Variants in ANXA4 observed in about 807,000 individuals in gnomAD.
The protein encoded by ANXA4 is 35-beta calcimedin.
ANXA4 carries 39 observed loss-of-function variants against 49.8 expected under a neutral mutation model. That is an observed-to-expected ratio of 0.78 (90% CI 0.61 to 1.02). The LOEUF (loss-of-function observed/expected upper bound fraction) is 1.02, where lower values mean the gene tolerates loss of function less well. Among genes scored for constraint, ANXA4 ranks in the 50% least tolerant of loss-of-function variants. ANXA4 has a pLI of 0.00. For synonymous variants in ANXA4, 134 were observed against 152.5 expected, an observed-to-expected ratio of 0.88 and a Z score of 0.89; for missense variants, 360 against 410.1, an observed-to-expected ratio of 0.88 and a Z score of 1.05.
upstream of ANXA4, chr2:69,643,866 G>A: frequency 1.7e-6 from 2 of 1,177,714 alleles, no homozygotes; most frequent in Non-Finnish European, 2.1e-6. Context: ...TGCAACCGCC[G>A]TTCTGTCGCC....
In ANXA4 at chr2:69,815,955, C is replaced by T. The variant is rs1673970101; in HGVS notation, c.535-146C>T. The T allele has an allele frequency of 4.7e-6, 3 of 643,558 alleles. No individual in the cohort carries two copies. The South Asian group carries it at 5.8e-5, about 12-fold the overall frequency. The allele number at this position is 643,558 out of a possible 1,614,324, so 39.9% of individuals were successfully genotyped here. A position where few individuals can be genotyped will look rare whatever the true frequency, so the allele number is the denominator to read the frequency against. On this transcript the variant is annotated intron_variant, in intron 8 of 12. Coordinates refer to ENST00000394295, the MANE Select transcript of ANXA4 (RefSeq NM_001153.5). Reference sequence around the variant, plus strand: ...TTATGCCTGAGGAAGGATCCTGAGTCATTTCCACTCACCACTACCATTTCC... The same window carrying T: ...TTATGCCTGAGGAAGGATCCTGAGTTATTTCCACTCACCACTACCATTTCC...
intron 2 of ANXA4, among the ~76,000 whole-genome samples, chr2:69,673,667 AAAG>A (rs535280569): frequency 1.6e-4 from 24 of 150,602 alleles, no homozygotes; most frequent in African/African-American, 5.6e-4. Flanking sequence ...AAAAAAAAGA[AAAG>A]AAACATTTTT....
chr2:69,800,218 G>A (rs1673132150), intron 3 of ANXA4, among the ~76,000 whole-genome samples: 1 of 152,186 alleles, frequency 6.6e-6, no homozygotes, highest in Non-Finnish European at 1.5e-5. Flanking sequence ...CTGAATCTAT[G>A]TATCTTCTTC....
In ANXA4 at chr2:69,826,823, C is replaced by G. The variant is rs927471813; in HGVS notation, c.*1308C>G. 1.3e-5 allele frequency: 2 copies of G among 150,036 alleles called. No individual in the cohort carries two copies. Among genetic ancestry groups the G allele is most frequent in the African/African-American group, 4.9e-5 (2 of 40,868 alleles). 9.3% of individuals were successfully genotyped at this position (150,036 alleles called of 1,614,324 possible). A position where few individuals can be genotyped will look rare whatever the true frequency, so the allele number is the denominator to read the frequency against. On this transcript the variant is annotated 3_prime_UTR_variant, in exon 13 of 13. Transcript: ENST00000394295. ...AAGTGTCTTTAAAGTGAGGTATAGT[C>G]TTTCTCTGATCCACTTTTCACCTTC...
chr2:69,797,064 G>T (rs1478743720), intron 3 of ANXA4, among the ~76,000 whole-genome samples: 1 of 152,070 alleles, frequency 6.6e-6, no homozygotes, highest in Non-Finnish European at 1.5e-5. Flanking sequence ...CAGTAAGAAG[G>T]CCATGCCCTT....
At chr2:69,705,815 C>G (rs1477711027) in intron 2 of ANXA4, among the ~76,000 whole-genome samples, 1 of 151,978 alleles carries the variant, frequency 6.6e-6, no homozygotes, top group Non-Finnish European at 1.5e-5. Context: ...ACCTGTAGTC[C>G]CAGCTACTTG....
intron 2 of ANXA4, among the ~76,000 whole-genome samples, chr2:69,786,214 A>C (rs975728799): frequency 6.6e-6 from 1 of 152,146 alleles, no homozygotes; most frequent in Admixed American, 6.5e-5. Flanking sequence ...TGCTCAGGGG[A>C]AAAGATTTAG....
chr2:69,716,761 G>C (rs1669652244), intron 2 of ANXA4, among the ~76,000 whole-genome samples: 2 of 152,208 alleles, frequency 1.3e-5, no homozygotes, highest in African/African-American at 4.8e-5. Context: ...TCATTGGCCA[G>C]AGGGGAGGGC....
chr2:69,739,383 T>TA (rs199798789), upstream of ANXA4, among the ~76,000 whole-genome samples: 1 of 152,072 alleles, frequency 6.6e-6, no homozygotes, highest in Non-Finnish European at 1.5e-5. Context: ...GTGAGATTTT[T>TA]AATTTTTTTT....
intron 2 of ANXA4, among the ~76,000 whole-genome samples, chr2:69,671,167 A>T (rs1453664895): frequency 6.6e-6 from 1 of 152,090 alleles, no homozygotes; most frequent in Admixed American, 6.6e-5. Flanking sequence ...GTGGAGAAGG[A>T]TTCCTTAAAT....
chr2:69,779,109 A>G (rs1455330994), intron 1 of ANXA4, among the ~76,000 whole-genome samples: 6 of 67,200 alleles, frequency 8.9e-5, no homozygotes, highest in Non-Finnish European at 1.5e-4. Context: ...CTCTGCCTCA[A>G]AAAAAAAAAA....
chr2:69,692,240 T>C (rs1172979772), intron 2 of ANXA4, among the ~76,000 whole-genome samples: 2 of 152,204 alleles, frequency 1.3e-5, no homozygotes, highest in Non-Finnish European at 1.5e-5. Flanking sequence ...GAAACCACAG[T>C]AAGGAGATCT....
At chr2:69,723,290 AG>A (rs1164591344) in intron 3 of ANXA4, among the ~76,000 whole-genome samples, 1 of 152,090 alleles carries the variant, frequency 6.6e-6, no homozygotes, top group Non-Finnish European at 1.5e-5. Flanking sequence ...GGGAGGTAAA[AG>A]CTACTAAATA....
intron 2 of ANXA4, among the ~76,000 whole-genome samples, chr2:69,783,976 A>G (rs1401330764): frequency 6.6e-6 from 1 of 152,128 alleles, no homozygotes; most frequent in Non-Finnish European, 1.5e-5. Context: ...GTTCATTAGT[A>G]TTCCATTGTA....
At chr2:69,788,691 A>G in intron 3 of ANXA4, among the ~76,000 whole-genome samples, 1 of 151,662 alleles carries the variant, frequency 6.6e-6, no homozygotes, top group East Asian at 1.9e-4. Flanking sequence ...CAAAAAAATT[A>G]GCTGGGCGTG....
At chr2:69,802,245 G>A (rs1356094746) in intron 3 of ANXA4, among the ~76,000 whole-genome samples, 1 of 152,198 alleles carries the variant, frequency 6.6e-6, no homozygotes, top group African/African-American at 2.4e-5. Flanking sequence ...CCAACCAGGA[G>A]TTAAGAATAC....
At position 69,751,752 on chromosome 2, in the gene ANXA4, C is replaced by T. The variant is rs143813239; in HGVS notation, c.-47+9577C>T. Among the ~76,000 whole-genome samples, 5 of 152,166 alleles carry T rather than the reference C, an allele frequency of 3.3e-5. No individual in the cohort carries two copies. In the South Asian group the frequency reaches 6.2e-4, roughly 19 times the overall value. Reference sequence around the variant, plus strand: ...TGCATCATGACTCTGGTGGCCCATCCTTCTGGGATCAAGACTTAGGGCAGC... The same window carrying T: ...TGCATCATGACTCTGGTGGCCCATCTTTCTGGGATCAAGACTTAGGGCAGC... On this transcript the variant is annotated intron_variant, in intron 1 of 12. Coordinates refer to ENST00000394295, the MANE Select transcript of ANXA4 (RefSeq NM_001153.5).
At chr2:69,678,747 A>G (rs2105354122) in intron 2 of ANXA4, among the ~76,000 whole-genome samples, 1 of 152,320 alleles carries the variant, frequency 6.6e-6, no homozygotes, top group East Asian at 1.9e-4. Context: ...CCACTGAGTA[A>G]GAATAATAAG....
At chr2:69,745,235 G>C (rs1429157835) in intron 1 of ANXA4, among the ~76,000 whole-genome samples, 1 of 152,204 alleles carries the variant, frequency 6.6e-6, no homozygotes, top group South Asian at 2.1e-4. Flanking sequence ...GAGCTGGGTG[G>C]TGGGCTCTGG....
Sources: allele counts gnomAD v4.1 joint callset (sites outside exome capture counted in the v4.1 genomes callset), GRCh38; gene constraint gnomAD v4.1.1; transcripts MANE v1.5; gene names NCBI Gene and HGNC (gene_info 2026-07-23, HGNC 2026-07-21).